Variants in UBE2E2 observed in about 807,000 individuals in gnomAD.
UBE2E2 encodes the protein ubiquitin conjugating enzyme E2 E2.
UBE2E2 carries 6 observed loss-of-function variants against 24.7 expected under a neutral mutation model. The ratio of observed to expected loss-of-function variants is 0.24; its 90% confidence interval spans 0.13 to 0.48. The LOEUF is 0.48. UBE2E2 is among the 20% of genes least tolerant of loss of function. The pLI is 0.99. For missense variants in UBE2E2, 169 were observed against 245.0 expected (o/e 0.69, Z 2.07); for synonymous variants, 104 against 83.6 (o/e 1.24, Z -1.33).
At chr3:23,563,139 C>A (rs559066385) in intron 5 of UBE2E2, among the ~76,000 whole-genome samples, 1 of 152,112 alleles carries the variant, frequency 6.6e-6, no homozygotes, top group Non-Finnish European at 1.5e-5. Context: ...TCTTGCTTCT[C>A]TAGTTCTTTT....
chr3:23,372,818 G>T (rs1050989491), intron 3 of UBE2E2, among the ~76,000 whole-genome samples: 1 of 152,058 alleles, frequency 6.6e-6, no homozygotes, highest in African/African-American at 2.4e-5. Context: ...TACATTTTAT[G>T]TCCATTTAGA....
At chr3:23,248,216 C>G (rs1575501999) in intron 3 of UBE2E2, among the ~76,000 whole-genome samples, 1 of 152,238 alleles carries the variant, frequency 6.6e-6, no homozygotes, top group East Asian at 1.9e-4. Context: ...AGGTTGTTGT[C>G]TTCACGACAG....
chr3:23,257,530 C>CTTT (rs3057372), intron 3 of UBE2E2, among the ~76,000 whole-genome samples: 2 of 16,256 alleles, frequency 1.2e-4, no homozygotes, highest in Non-Finnish European at 2.1e-4. Context: ...CCCCCCCCCA[C>CTTT]TTTTTTTTTT....
chr3:23,572,145 C>A (rs1696244806), intron 5 of UBE2E2, among the ~76,000 whole-genome samples: 1 of 152,028 alleles, frequency 6.6e-6, no homozygotes, highest in Admixed American at 6.6e-5. Context: ...TGATAATGTC[C>A]ATTATTTGAT....
intron 3 of UBE2E2, among the ~76,000 whole-genome samples, chr3:23,309,075 G>C (rs1407731512): frequency 6.6e-6 from 1 of 152,194 alleles, no homozygotes; most frequent in Non-Finnish European, 1.5e-5. Flanking sequence ...CAGCCAGTTG[G>C]CATGGGCAAC....
intron 3 of UBE2E2, among the ~76,000 whole-genome samples, chr3:23,464,437 T>C (rs569435808): frequency 6.6e-6 from 1 of 152,292 alleles, no homozygotes; most frequent in South Asian, 2.1e-4. Flanking sequence ...TTTTTAGATT[T>C]ATTTTTAGGA....
intron 4 of UBE2E2, among the ~76,000 whole-genome samples, chr3:23,519,918 G>A (rs1042832979): frequency 1.3e-5 from 2 of 151,786 alleles, no homozygotes; most frequent in African/African-American, 4.8e-5. Flanking sequence ...CTCCCAGGCT[G>A]AGCCTGAGCC....
intron 3 of UBE2E2, among the ~76,000 whole-genome samples, chr3:23,463,361 C>G (rs763212511): frequency 1.3e-5 from 2 of 152,060 alleles, no homozygotes; most frequent in Non-Finnish European, 2.9e-5. Flanking sequence ...GAAGAGGAAT[C>G]TGGGCCGGTA....
intron 3 of UBE2E2, among the ~76,000 whole-genome samples, chr3:23,411,340 T>G (rs889663513): frequency 6.6e-6 from 1 of 152,170 alleles, no homozygotes; most frequent in Non-Finnish European, 1.5e-5. Context: ...AGATGATGCC[T>G]CCACATCTGC....
chr3:23,589,220 A>G lies in UBE2E2; in HGVS notation c.509-514A>G, dbSNP rs2125524087. ...AACTTGAGCCCAGGAGTTTGAGACT[A>G]TCCTGGACAACATAGTGAGACCCCC... On this transcript the variant is annotated intron_variant, in intron 5 of 5. Coordinates refer to ENST00000396703, the MANE Select transcript of UBE2E2 (RefSeq NM_152653.4). The surrounding 1 kb of genome is among the most constrained non-coding windows in gnomAD (Gnocchi z 4.1). Among the ~76,000 whole-genome samples the G allele has an allele frequency of 6.6e-6, 1 of 152,016 alleles. No homozygotes were observed. The highest frequency in any genetic ancestry group is 1.9e-4 in the East Asian group (1 of 5,156).
chr3:23,275,243 A>G (rs534997092), intron 3 of UBE2E2, among the ~76,000 whole-genome samples: 151 of 152,334 alleles, frequency 9.9e-4, no homozygotes, highest in African/African-American at 3.4e-3. Flanking sequence ...AAGCGGTGCT[A>G]AGAGAGAAAT....
At chr3:23,387,283 C>T (rs1249596203) in intron 3 of UBE2E2, among the ~76,000 whole-genome samples, 1 of 152,104 alleles carries the variant, frequency 6.6e-6, no homozygotes, top group Non-Finnish European at 1.5e-5. Context: ...GCACTAAGTA[C>T]TATTTCTTTC....
intron 3 of UBE2E2, among the ~76,000 whole-genome samples, chr3:23,465,151 C>T (rs371621052): frequency 2.0e-5 from 3 of 152,152 alleles, no homozygotes; most frequent in South Asian, 2.1e-4. Flanking sequence ...CATGTCATAT[C>T]ATTTAATCTT....
chr3:23,268,601 C>G (rs1053564174), intron 3 of UBE2E2, among the ~76,000 whole-genome samples: 6 of 147,100 alleles, frequency 4.1e-5, no homozygotes, highest in Non-Finnish European at 7.5e-5. Flanking sequence ...TAGGAAGAAT[C>G]AATATCGTGA....
intron 3 of UBE2E2, among the ~76,000 whole-genome samples, chr3:23,456,723 G>A (rs377027387): frequency 7.9e-5 from 12 of 152,310 alleles, no homozygotes; most frequent in East Asian, 1.9e-4. Flanking sequence ...TTTATATAGC[G>A]TAGGTAAAGT....
chr3:23,469,122 T>G (rs1194166585), intron 3 of UBE2E2, among the ~76,000 whole-genome samples: 1 of 152,146 alleles, frequency 6.6e-6, no homozygotes, highest in East Asian at 1.9e-4. Context: ...GGAACTGGCA[T>G]GGTTGGGTTC....
chr3:23,570,450 G>A (rs934087372), intron 5 of UBE2E2, among the ~76,000 whole-genome samples: 1 of 152,156 alleles, frequency 6.6e-6, no homozygotes, highest in Non-Finnish European at 1.5e-5. Context: ...AGGCTGGGCA[G>A]GGGTGGTATG....
intron 3 of UBE2E2, among the ~76,000 whole-genome samples, chr3:23,351,269 C>G (rs1471780823): frequency 6.6e-6 from 1 of 152,188 alleles, no homozygotes; most frequent in Non-Finnish European, 1.5e-5. Flanking sequence ...CCGGTACCAG[C>G]CACTGCAAAA....
At chr3:23,538,098 T>A (rs774443888) in intron 5 of UBE2E2, among the ~76,000 whole-genome samples, 10 of 152,170 alleles carry the variant, frequency 6.6e-5, no homozygotes, top group Admixed American at 2.0e-4. Flanking sequence ...GCAGACTGTT[T>A]TAGCAGGACT....
Sources: gnomAD v4.1 joint callset for allele counts (sites outside exome capture counted in the v4.1 genomes callset) on GRCh38, gnomAD v4.1.1 for gene constraint, Gnocchi (gnomAD v3.1) non-coding constraint, MANE v1.5 for transcripts, NCBI Gene and HGNC (gene_info 2026-07-23, HGNC 2026-07-21) for gene names.